The following MGAT4C variants were observed in gnomAD, a reference collection of about 807,000 sequenced individuals.
MGAT4C encodes the protein MGAT4 family member C.
In MGAT4C, 19 loss-of-function variants were observed where a neutral mutation model predicts 40.1. The observed-to-expected ratio is 0.47, with a 90% confidence interval of 0.33 to 0.70. The LOEUF (loss-of-function observed/expected upper bound fraction) is 0.70, where lower values mean the gene tolerates loss of function less well. Among genes scored for constraint, MGAT4C ranks in the 30% least tolerant of loss-of-function variants. The pLI is 0.02. For missense variants in MGAT4C, 491 were observed against 563.2 expected, an observed-to-expected ratio of 0.87 and a Z score of 1.30; for synonymous variants, 181 against 187.1, an observed-to-expected ratio of 0.97 and a Z score of 0.27.
At chr12:86,597,498 T>C (rs943430506) in intron 2 of MGAT4C, among the ~76,000 whole-genome samples, 2 of 152,252 alleles carry the variant, frequency 1.3e-5, no homozygotes, top group African/African-American at 4.8e-5. Flanking sequence ...GTTGTCCCTA[T>C]TGCCTCAGAA....
At chr12:86,766,514 A>C (rs1239442751) in intron 1 of MGAT4C, among the ~76,000 whole-genome samples, 2 of 152,072 alleles carry the variant, frequency 1.3e-5, no homozygotes, top group Non-Finnish European at 2.9e-5. Flanking sequence ...TGCACCAAGC[A>C]GACCTAATAG....
intron 1 of MGAT4C, among the ~76,000 whole-genome samples, chr12:86,115,209 A>G (rs1878198893): frequency 6.6e-6 from 1 of 152,042 alleles, no homozygotes; most frequent in Non-Finnish European, 1.5e-5. Context: ...ATTTAAAAAA[A>G]TAAAGACAGG....
intron 2 of MGAT4C, among the ~76,000 whole-genome samples, chr12:86,599,035 T>TGG (rs1961653886): frequency 6.6e-6 from 1 of 152,222 alleles, no homozygotes; most frequent in African/African-American, 2.4e-5. Context: ...TATACAAAAA[T>TGG]AGTATAAGTA....
At chr12:86,763,976 C>T (rs567563183) in intron 1 of MGAT4C, among the ~76,000 whole-genome samples, 20 of 152,054 alleles carry the variant, frequency 1.3e-4, no homozygotes, top group Non-Finnish European at 2.4e-4. Flanking sequence ...TCTGAGGTAC[C>T]GGGTTCATAT....
At chr12:86,243,254 A>T (rs901021412) in intron 1 of MGAT4C, among the ~76,000 whole-genome samples, 1 of 152,210 alleles carries the variant, frequency 6.6e-6, no homozygotes, top group Non-Finnish European at 1.5e-5. Flanking sequence ...TTGTTGGGTG[A>T]GCTCTGCTAC....
chr12:86,405,942 AAATACATGTATG>A (rs1565737987), intron 3 of MGAT4C, among the ~76,000 whole-genome samples: 10,503 of 113,390 alleles, frequency 0.093, 858 homozygotes, highest in East Asian at 0.17. Context: ...ATACATTTAT[AAATACATGTATG>A]TATTTATATT....
chr12:86,265,418 G>A (rs1461291305), intron 4 of MGAT4C, among the ~76,000 whole-genome samples: 1 of 152,198 alleles, frequency 6.6e-6, no homozygotes, highest in Non-Finnish European at 1.5e-5. Context: ...ATTGAAAAGG[G>A]TGTCCTTTCC....
intron 2 of MGAT4C, among the ~76,000 whole-genome samples, chr12:86,712,182 T>C (rs1165121992): frequency 6.6e-6 from 1 of 152,144 alleles, no homozygotes; most frequent in Non-Finnish European, 1.5e-5. Context: ...TATAAACTTA[T>C]ATTTAAAAGA....
At position 86,411,912 on chromosome 12, in the gene MGAT4C, T is replaced by G. The variant is rs996009707; in HGVS notation, c.-120+23245A>C. Reference sequence around the variant, plus strand: ...GGGACACCGCTCCCTGCATCTCAGCTGCTCCAACTCTAGCCATGGCTAACA... The same window carrying G: ...GGGACACCGCTCCCTGCATCTCAGCGGCTCCAACTCTAGCCATGGCTAACA... On this transcript the variant is annotated intron_variant, in intron 3 of 7. Coordinates refer to the MGAT4C transcript ENST00000548651. Among the ~76,000 whole-genome samples, 27 of 152,272 alleles carry G rather than the reference T, an allele frequency of 1.8e-4. No individual in the cohort carries two copies. The East Asian group carries it at 5.2e-3, about 29-fold the overall frequency.
At chr12:86,615,446 T>C (rs535668269) in intron 2 of MGAT4C, among the ~76,000 whole-genome samples, 1 of 152,006 alleles carries the variant, frequency 6.6e-6, no homozygotes. Context: ...TCTGAGGTGA[T>C]AAAAGTAACT....
At chr12:86,462,309 T>G (rs916633211) in intron 2 of MGAT4C, among the ~76,000 whole-genome samples, 2 of 152,210 alleles carry the variant, frequency 1.3e-5, no homozygotes, top group African/African-American at 4.8e-5. Flanking sequence ...TAACAAATAT[T>G]TACTGAGCAC....
chr12:86,280,868 T>C (rs1455271891), intron 4 of MGAT4C, among the ~76,000 whole-genome samples: 2 of 152,096 alleles, frequency 1.3e-5, no homozygotes, highest in Non-Finnish European at 2.9e-5. Context: ...TTTTAACCTT[T>C]GTAGTCTTTT....
intron 3 of MGAT4C, among the ~76,000 whole-genome samples, chr12:86,383,185 G>A (rs1955979175): frequency 6.6e-6 from 1 of 152,162 alleles, no homozygotes; most frequent in East Asian, 1.9e-4. Flanking sequence ...GGCAGTGGGA[G>A]CCCATCCCCT....
intron 3 of MGAT4C, among the ~76,000 whole-genome samples, chr12:86,405,103 A>G (rs1956438553): frequency 6.6e-6 from 1 of 152,034 alleles, no homozygotes; most frequent in South Asian, 2.1e-4. Context: ...TATCAATAAA[A>G]TTGAAGTATT....
chr12:86,004,937 T>C (rs1007388038), intron 2 of MGAT4C, among the ~76,000 whole-genome samples: 13 of 152,184 alleles, frequency 8.5e-5, no homozygotes, highest in Non-Finnish European at 1.6e-4. Flanking sequence ...AAACAGGGAC[T>C]GAATTAAGAA....
intron 2 of MGAT4C, among the ~76,000 whole-genome samples, chr12:86,573,733 C>T (rs916088038): frequency 3.3e-5 from 5 of 152,058 alleles, no homozygotes; most frequent in Non-Finnish European, 7.4e-5. Flanking sequence ...GAAAAGAGTT[C>T]CTCAAGTGCA....
chr12:86,638,223 C>G (rs1254332587), intron 2 of MGAT4C, among the ~76,000 whole-genome samples: 1 of 151,736 alleles, frequency 6.6e-6, no homozygotes, highest in East Asian at 1.9e-4. Context: ...ATTCTTTGCC[C>G]CCTAATATCT....
intron 1 of MGAT4C, among the ~76,000 whole-genome samples, chr12:86,762,121 G>A (rs564408164): frequency 6.6e-6 from 1 of 151,464 alleles, no homozygotes; most frequent in South Asian, 2.1e-4. Flanking sequence ...GCATGATCAT[G>A]GCTCACTGCA....
At chr12:86,286,612 G>A (rs1007986858) in intron 4 of MGAT4C, among the ~76,000 whole-genome samples, 1 of 152,026 alleles carries the variant, frequency 6.6e-6, no homozygotes, top group Non-Finnish European at 1.5e-5. Context: ...TTAGGTGCAG[G>A]GGAACATGTG....
Sources: allele counts gnomAD v4.1 joint callset (sites outside exome capture counted in the v4.1 genomes callset), GRCh38; gene constraint gnomAD v4.1.1; transcripts MANE v1.5; gene names NCBI Gene and HGNC (gene_info 2026-07-23, HGNC 2026-07-21).